Variants in CLVS1 observed in about 807,000 individuals in gnomAD.
The protein encoded by CLVS1 is clavesin-1.
A neutral mutation model predicts 33.1 loss-of-function variants in CLVS1; 10 were observed. The ratio of observed to expected loss-of-function variants is 0.30; its 90% CI spans 0.19 to 0.51. The LOEUF (loss-of-function observed/expected upper bound fraction) is 0.51. CLVS1 is among the 20% of genes least tolerant of loss of function. The pLI is 0.97. For missense variants in CLVS1, 343 were observed against 433.4 expected (o/e 0.79, Z 1.85); for synonymous variants, 163 against 166.1 (o/e 0.98, Z 0.14).
At chr8:61,452,321 C>T (rs575371711) in intron 3 of CLVS1, among the ~76,000 whole-genome samples, 28 of 152,284 alleles carry the variant, frequency 1.8e-4, no homozygotes, top group African/African-American at 6.7e-4. Flanking sequence ...TATAACACAC[C>T]ATCAATAGAA....
chr8:61,277,775 C>G (rs576507060), intron 2 of CLVS1, among the ~76,000 whole-genome samples: 5 of 152,118 alleles, frequency 3.3e-5, no homozygotes, highest in African/African-American at 1.2e-4. Flanking sequence ...ACCCCTGACA[C>G]GAAAGACAGA....
chr8:61,388,321 T>A (rs1273841058), intron 3 of CLVS1, among the ~76,000 whole-genome samples: 1 of 150,376 alleles, frequency 6.6e-6, no homozygotes, highest in Non-Finnish European at 1.5e-5. Context: ...ATCAATCATT[T>A]TTTTTTGGTT....
intron 2 of CLVS1, among the ~76,000 whole-genome samples, chr8:61,327,990 T>G (rs548854972): frequency 6.6e-6 from 1 of 152,342 alleles, no homozygotes; most frequent in East Asian, 1.9e-4. Flanking sequence ...ATAATAATAT[T>G]TGTAATCACA....
intron 2 of CLVS1, among the ~76,000 whole-genome samples, chr8:61,347,656 A>G (rs1430254386): frequency 8.6e-6 from 1 of 115,944 alleles, no homozygotes; most frequent in Admixed American, 8.5e-5. Context: ...ATATATATAT[A>G]TATATATATA....
intron 1 of CLVS1, among the ~76,000 whole-genome samples, chr8:61,073,447 C>T (rs1385377380): frequency 1.3e-5 from 2 of 152,242 alleles, no homozygotes; most frequent in East Asian, 3.9e-4. Context: ...TGTAAGGAAA[C>T]CAACAAAGCC....
In CLVS1 at chr8:61,288,280, C is replaced by T. The variant is rs540311089; in HGVS notation, c.-152+142C>T. 6.5e-4 allele frequency: 297 copies of T among 456,372 alleles called. 1 individual carries two copies. The highest frequency in any genetic ancestry group is 9.4e-4 in the Admixed American group (40 of 42,572). 28.3% of individuals were successfully genotyped at this position (456,372 alleles called of 1,614,324 possible). A position where few individuals can be genotyped will look rare whatever the true frequency, so the allele number is the denominator to read the frequency against. ...TGCAATCCCTCTGCACTCCATCCCT[C>T]CCGCACCGCACCCCGCTCCCCGCCG... On this transcript the variant is annotated intron_variant, in intron 1 of 5. Coordinates refer to ENST00000325897, the MANE Select transcript of CLVS1 (RefSeq NM_173519.3).
At chr8:61,051,942 A>G in the CLVS1 span, among the ~76,000 whole-genome samples, 2 of 152,044 alleles carry the variant, frequency 1.3e-5, no homozygotes, top group Admixed American at 6.5e-5. Flanking sequence ...CCTCCTGTCC[A>G]CCCTCTGGAG....
intron 3 of CLVS1, among the ~76,000 whole-genome samples, chr8:61,426,301 G>T (rs775134747): frequency 6.6e-5 from 10 of 152,196 alleles, no homozygotes; most frequent in African/African-American, 9.6e-5. Context: ...TTACCTAACA[G>T]ACAATTCCTG....
intron 2 of CLVS1, among the ~76,000 whole-genome samples, chr8:61,135,516 G>A (rs754813040): frequency 6.6e-5 from 10 of 152,166 alleles, no homozygotes; most frequent in Non-Finnish European, 7.4e-5. Flanking sequence ...AGTGAAGAAG[G>A]TTTGATGAGG....
intron 1 of CLVS1, among the ~76,000 whole-genome samples, chr8:61,076,418 G>A (rs1299754422): frequency 6.6e-6 from 1 of 152,176 alleles, no homozygotes; most frequent in Non-Finnish European, 1.5e-5. Context: ...ATCACAGCAC[G>A]TGTTAGCAAA....
At chr8:61,371,742 T>C (rs1168036703) in intron 2 of CLVS1, among the ~76,000 whole-genome samples, 1 of 152,228 alleles carries the variant, frequency 6.6e-6, no homozygotes, top group Admixed American at 6.5e-5. Context: ...TGTATTTCAT[T>C]TGTATGGTGC....
chr8:60,994,132 G>A, the CLVS1 span, among the ~76,000 whole-genome samples: 2 of 152,244 alleles, frequency 1.3e-5, no homozygotes, highest in South Asian at 4.1e-4. Flanking sequence ...AGCAGCATTG[G>A]TGTCTCCTGA....
At chr8:61,347,345 T>C (rs1429451011) in intron 2 of CLVS1, among the ~76,000 whole-genome samples, 1 of 151,620 alleles carries the variant, frequency 6.6e-6, no homozygotes, top group African/African-American at 2.4e-5. Flanking sequence ...ATTAGAGAGG[T>C]GATGGTGGAA....
intron 2 of CLVS1, among the ~76,000 whole-genome samples, chr8:61,133,930 G>A (rs1262804602): frequency 6.6e-6 from 1 of 152,162 alleles, no homozygotes; most frequent in Non-Finnish European, 1.5e-5. Context: ...ACCAGGGTAA[G>A]GTATATAGGA....
At chr8:61,458,675 T>C (rs1248047762) in intron 5 of CLVS1, 133 bp downstream of exon 5, 15 of 627,786 alleles carry the variant, frequency 2.4e-5, no homozygotes, top group Non-Finnish European at 3.5e-5. Context: ...CAATGCATTC[T>C]CAGCTGATTT....
chr8:61,083,065 G>C (rs6471916), intron 1 of CLVS1, among the ~76,000 whole-genome samples: 84,535 of 151,878 alleles, frequency 0.56, 26,326 homozygotes, highest in African/African-American at 0.84. Context: ...GTCAACCTAT[G>C]TTTCAAGAAG....
intron 3 of CLVS1, among the ~76,000 whole-genome samples, chr8:61,428,877 T>C (rs1474537319): frequency 6.6e-6 from 1 of 152,182 alleles, no homozygotes; most frequent in African/African-American, 2.4e-5. Flanking sequence ...AACCCCACAA[T>C]TAAAACCCGC....
chr8:61,177,065 G>T (rs1400201507), intron 2 of CLVS1, among the ~76,000 whole-genome samples: 1 of 152,006 alleles, frequency 6.6e-6, no homozygotes, highest in African/African-American at 2.4e-5. Flanking sequence ...CTAAGCTCCC[G>T]GAGTGGCGAG....
the CLVS1 span, among the ~76,000 whole-genome samples, chr8:61,049,408 T>G: frequency 6.6e-6 from 1 of 152,272 alleles, no homozygotes; most frequent in Non-Finnish European, 1.5e-5. Flanking sequence ...GGTGGCCAGT[T>G]CAAACTGTCT....
Sources: gnomAD v4.1 joint callset for allele counts (sites outside exome capture counted in the v4.1 genomes callset) on GRCh38, gnomAD v4.1.1 for gene constraint, MANE v1.5 for transcripts, NCBI Gene and HGNC (gene_info 2026-07-23, HGNC 2026-07-21) for gene names.